ITGA8: variants seen among roughly 807,000 people sequenced by gnomAD.
ITGA8 encodes the protein integrin alpha-8.
Under a neutral mutation model 142.3 loss-of-function variants are expected in ITGA8, and 91 were observed. That is an observed-to-expected ratio of 0.64 (90% confidence interval 0.54 to 0.76). ITGA8 has a LOEUF of 0.76. Among genes scored for constraint, ITGA8 ranks in the 30% least tolerant of loss-of-function variants. The pLI is 0.00. For missense variants in ITGA8, 1,406 were observed against 1,327.7 expected (o/e 1.06, Z -0.92); for synonymous variants, 505 against 485.2 (o/e 1.04, Z -0.54).
At chr10:15,686,802 T>G (rs528263259) in intron 3 of ITGA8, among the ~76,000 whole-genome samples, 30 of 152,316 alleles carry the variant, frequency 2.0e-4, no homozygotes, top group African/African-American at 7.0e-4. Context: ...AATTAATCAT[T>G]TTTTATTATG....
intron 25 of ITGA8, among the ~76,000 whole-genome samples, chr10:15,563,792 C>A (rs961604605): frequency 2.0e-5 from 3 of 152,002 alleles, no homozygotes; most frequent in Non-Finnish European, 2.9e-5. Flanking sequence ...TGGTGCACAC[C>A]TGTAATCCCA....
At chr10:15,623,878 T>A (rs1424537217) in intron 13 of ITGA8, among the ~76,000 whole-genome samples, 4 of 152,068 alleles carry the variant, frequency 2.6e-5, no homozygotes, top group Non-Finnish European at 5.9e-5. Context: ...GCCTGACCTG[T>A]CTCCTAACCC....
At chr10:15,579,878 A>C (rs1490418457) in intron 23 of ITGA8, among the ~76,000 whole-genome samples, 1 of 151,964 alleles carries the variant, frequency 6.6e-6, no homozygotes, top group Non-Finnish European at 1.5e-5. Context: ...TATGCTGCTA[A>C]ATTTATAGCA....
chr10:15,537,292 A>T (rs1327241232), intron 27 of ITGA8, among the ~76,000 whole-genome samples: 2 of 152,222 alleles, frequency 1.3e-5, no homozygotes, highest in Non-Finnish European at 2.9e-5. Context: ...CTTAGATTAT[A>T]ATAACGCATT....
At chr10:15,541,770 T>C (rs1833574239) in intron 27 of ITGA8, among the ~76,000 whole-genome samples, 1 of 151,480 alleles carries the variant, frequency 6.6e-6, no homozygotes, top group Non-Finnish European at 1.5e-5. Context: ...CCACTTTCCC[T>C]CCCAAAACAA....
intron 2 of ITGA8, among the ~76,000 whole-genome samples, chr10:15,705,889 G>A (rs150176309): frequency 0.013 from 1,992 of 152,044 alleles, 154 homozygotes; most frequent in Admixed American, 0.12. Flanking sequence ...CAAATCCCCG[G>A]TATTTCTGTA....
At chr10:15,649,520 C>G (rs1834047393) in intron 11 of ITGA8, among the ~76,000 whole-genome samples, 1 of 150,306 alleles carries the variant, frequency 6.7e-6, no homozygotes, top group Non-Finnish European at 1.5e-5. Context: ...CCCAGTGACT[C>G]TGGAGGCTGA....
chr10:15,604,253 C>G lies in ITGA8; in HGVS notation c.2073G>C (p.Met691Ile), dbSNP rs915295940. 2.5e-6 allele frequency: 4 copies of G among 1,613,460 alleles called. No homozygotes were observed. The highest frequency in any genetic ancestry group is 3.3e-5 in the Admixed American group (2 of 59,944). Residue 691 changes from methionine (M) to isoleucine (I), a missense_variant, in exon 20 of 30, where the codon ATG (methionine) becomes ATC (isoleucine). Coordinates refer to ENST00000378076, the MANE Select transcript of ITGA8 (RefSeq NM_003638.3). ...EGAYEAELFV[M>I]IPEEADYVGI... is the part of the protein sequence containing the mutation. ...CAACATAATCTGCCTCTTCTGGTAT[C>G]ATTACAAAGAGTTCAGCTTCATATG... is the stretch of plus-strand genomic sequence containing the variant.
intron 4 of ITGA8, among the ~76,000 whole-genome samples, chr10:15,679,098 AT>A (rs1377461254): frequency 6.6e-6 from 1 of 152,048 alleles, no homozygotes; most frequent in East Asian, 1.9e-4. Context: ...TATATTCCAA[AT>A]TTCCCATGAG....
chr10:15,540,332 T>A (rs914328874), intron 27 of ITGA8, among the ~76,000 whole-genome samples: 3 of 152,134 alleles, frequency 2.0e-5, no homozygotes, highest in Admixed American at 1.3e-4. Flanking sequence ...ATGAATCTGC[T>A]CTCTGCCTCC....
intron 6 of ITGA8, among the ~76,000 whole-genome samples, chr10:15,673,971 T>C (rs1206458285): frequency 6.6e-6 from 1 of 152,236 alleles, no homozygotes; most frequent in Admixed American, 6.5e-5. Flanking sequence ...GATATCATGC[T>C]CTTTGGCAGA....
chr10:15,592,294 C>G lies in ITGA8; in HGVS notation c.2222G>C (p.Gly741Ala), dbSNP rs1310747199. The G allele has an allele frequency of 6.2e-7, 1 of 1,611,166 alleles. No homozygotes were observed. Among genetic ancestry groups the G allele is most frequent in the African/African-American group, 1.3e-5 (1 of 74,832 alleles). ...AAGACGTGGAACTGCAAATCGGAGG[C>G]CCAGGGAATACTAAAAAATAAAATA... ...PMVSGTNYSLGLRFAVPRLEK... is the reference protein window; with the variant it reads ...PMVSGTNYSLALRFAVPRLEK... Residue 741 changes from glycine (G) to alanine (A), a missense_variant, in exon 22 of 30, where the codon GGC (glycine) becomes GCC (alanine). Gly to Ala is a moderately conservative substitution (Grantham distance 60). Coordinates refer to ENST00000378076, the MANE Select transcript of ITGA8 (RefSeq NM_003638.3).
chr10:15,527,225 A>C lies in ITGA8; in HGVS notation c.2982+3825T>G, dbSNP rs182099862. 3.0e-3 allele frequency among the ~76,000 whole-genome samples: 454 copies of C among 152,374 alleles called. 2 individuals carry two copies. Among genetic ancestry groups the C allele is most frequent in the African/African-American group, 0.011 (441 of 41,588 alleles). On this transcript the variant is annotated intron_variant, in intron 28 of 29. Coordinates refer to ENST00000378076, the MANE Select transcript of ITGA8 (RefSeq NM_003638.3). ...ACAAGCAGTTCCCATCATAAATTTC[A>C]ACTCCAAATAATTGTTTAATATAAG...
chr10:15,657,013 C>G (rs1834197425), intron 10 of ITGA8, among the ~76,000 whole-genome samples: 1 of 152,146 alleles, frequency 6.6e-6, no homozygotes, highest in Non-Finnish European at 1.5e-5. Context: ...TGTAACAACT[C>G]AATTCTCACA....
intron 25 of ITGA8, among the ~76,000 whole-genome samples, chr10:15,562,200 C>T (rs1051770882): frequency 6.6e-6 from 1 of 152,176 alleles, no homozygotes; most frequent in Non-Finnish European, 1.5e-5. Context: ...TGGATCATTC[C>T]TAATAGTAAT....
At chr10:15,526,944 T>C (rs183574797) in intron 28 of ITGA8, among the ~76,000 whole-genome samples, 14 of 152,338 alleles carry the variant, frequency 9.2e-5, no homozygotes, top group Admixed American at 9.2e-4. Flanking sequence ...ATTTATGATA[T>C]GTTTTTGTAT....
At chr10:15,697,159 C>T (rs1462609388) in intron 2 of ITGA8, among the ~76,000 whole-genome samples, 1 of 151,974 alleles carries the variant, frequency 6.6e-6, no homozygotes, top group African/African-American at 2.4e-5. Context: ...GAAACATCTG[C>T]TATCTATAAG....
intron 2 of ITGA8, among the ~76,000 whole-genome samples, chr10:15,712,304 G>T (rs151156341): frequency 3.1e-4 from 47 of 152,132 alleles, no homozygotes; most frequent in Non-Finnish European, 5.9e-4. Context: ...TTCAATGGCT[G>T]GGTGTGGCGG....
chr10:15,639,165 G>A (rs540816083), intron 13 of ITGA8, among the ~76,000 whole-genome samples: 12 of 151,834 alleles, frequency 7.9e-5, no homozygotes, highest in Non-Finnish European at 1.6e-4. Flanking sequence ...GCCCCTTCCT[G>A]AGTGGGATGT....
Sources: allele counts gnomAD v4.1 joint callset (sites outside exome capture counted in the v4.1 genomes callset), GRCh38; gene constraint gnomAD v4.1.1; transcripts MANE v1.5; gene names NCBI Gene and HGNC (gene_info 2026-07-23, HGNC 2026-07-21).